Variants in ZNF257 observed in about 807,000 individuals in gnomAD.
ZNF257 encodes zinc finger protein 257.
ZNF257 carries 12 observed loss-of-function variants against 11.9 expected under a neutral mutation model. That is an observed-to-expected ratio of 1.01 (90% CI 0.65 to 1.63). The LOEUF (loss-of-function observed/expected upper bound fraction) is 1.63. Among genes scored for constraint, ZNF257 ranks in the 40% most tolerant of loss-of-function variants. ZNF257 has a pLI of 0.00. For missense variants in ZNF257, 580 were observed against 665.5 expected, an observed-to-expected ratio of 0.87 and a Z score of 1.41; for synonymous variants, 183 against 222.7, an observed-to-expected ratio of 0.82 and a Z score of 1.59.
intron 3 of ZNF257, among the ~76,000 whole-genome samples, chr19:22,084,643 A>C (rs1244671056): frequency 6.6e-6 from 1 of 151,672 alleles, no homozygotes; most frequent in Non-Finnish European, 1.5e-5. Flanking sequence ...TGTATCGTTT[A>C]ATTTCTATAT....
chr19:22,089,443 T>C lies in ZNF257; in HGVS notation c.*1T>C, dbSNP rs1599677932. ...AAACCTTACTAAACATAATTCATAA[T>C]GGAGAAAAACCCTACAAATGTGAAG... On this transcript the variant is annotated 3_prime_UTR_variant, in exon 4 of 4. Transcript: ENST00000594947. 1 of 1,604,102 alleles carries C rather than the reference T, an allele frequency of 6.2e-7. No homozygotes were observed. The highest frequency in any genetic ancestry group is 1.3e-5 in the African/African-American group (1 of 74,560).
At chr19:22,077,134 A>G (rs777301232) in intron 3 of ZNF257, among the ~76,000 whole-genome samples, 3 of 152,044 alleles carry the variant, frequency 2.0e-5, no homozygotes, top group Non-Finnish European at 4.4e-5. Context: ...GGCAGCATAT[A>G]AAGTCCCCCT....
chr19:22,084,289 CTCTT>C (rs901006789), intron 3 of ZNF257, among the ~76,000 whole-genome samples: 79 of 152,250 alleles, frequency 5.2e-4, no homozygotes, highest in African/African-American at 1.8e-3. Flanking sequence ...ATGTAAATGA[CTCTT>C]TATATGACCA....
At chr19:22,058,516 G>T (rs1048902537) in intron 1 of ZNF257, among the ~76,000 whole-genome samples, 9 of 152,144 alleles carry the variant, frequency 5.9e-5, no homozygotes, top group African/African-American at 1.9e-4. Context: ...CTGAATCAGG[G>T]TCTGTGCTGA....
intron 1 of ZNF257, among the ~76,000 whole-genome samples, chr19:22,054,517 C>T (rs7259971): frequency 6.6e-6 from 1 of 151,974 alleles, no homozygotes. Context: ...TCCCAAATGC[C>T]AGTTTTCCCT....
intron 1 of ZNF257, among the ~76,000 whole-genome samples, chr19:22,059,874 C>A (rs1405861674): frequency 6.9e-6 from 1 of 144,862 alleles, no homozygotes; most frequent in African/African-American, 2.8e-5. Context: ...AGTCACATGC[C>A]ACCACACCCA....
chr19:22,069,396 C>T (rs1485692553), intron 1 of ZNF257, among the ~76,000 whole-genome samples: 5 of 151,950 alleles, frequency 3.3e-5, no homozygotes, highest in Non-Finnish European at 7.4e-5. Context: ...GGGTGGATCA[C>T]GAGGTCAGGA....
chr19:22,089,765 A>T lies in ZNF257; in HGVS notation c.*323A>T, dbSNP rs1198734892. The T allele has an allele frequency of 5.4e-6, 2 of 373,256 alleles. No homozygotes were observed. The highest frequency in any genetic ancestry group is 9.7e-6 in the Non-Finnish European group (2 of 205,344). The allele number at this position is 373,256 out of a possible 1,614,324, so 23.1% of individuals were successfully genotyped here. On this transcript the variant is annotated 3_prime_UTR_variant, in exon 4 of 4. Transcript: ENST00000594947. Reference sequence around the variant, plus strand: ...TCTCAACCCTTATTACACATAATTTATACTGGACAGAAATCCTAAAGTGTG... The same window carrying T: ...TCTCAACCCTTATTACACATAATTTTTACTGGACAGAAATCCTAAAGTGTG...
intron 1 of ZNF257, among the ~76,000 whole-genome samples, chr19:22,071,391 C>T (rs1266581369): frequency 6.6e-6 from 1 of 151,902 alleles, no homozygotes. Context: ...GTGCTGACAC[C>T]TTTAAAGGCA....
intron 1 of ZNF257, among the ~76,000 whole-genome samples, chr19:22,065,201 G>C (rs1300646128): frequency 1.3e-5 from 2 of 151,020 alleles, no homozygotes; most frequent in Non-Finnish European, 3.0e-5. Context: ...GACTTTTTTT[G>C]TTTTGTTTTG....
chr19:22,089,662 C>A lies in ZNF257; in HGVS notation c.*220C>A. On this transcript the variant is annotated 3_prime_UTR_variant, in exon 4 of 4. Coordinates refer to ENST00000594947, the MANE Select transcript of ZNF257 (RefSeq NM_033468.4). Reference sequence around the variant, plus strand: ...TGTGGCATAGCCTCTTCCCAGTTCTCAACTCTTACTAAACATGAGAACACA... The same window carrying A: ...TGTGGCATAGCCTCTTCCCAGTTCTAAACTCTTACTAAACATGAGAACACA... 8.6e-7 allele frequency: 1 copy of A among 1,157,564 alleles called. No individual in the cohort carries two copies. The highest frequency in any genetic ancestry group is 1.2e-6 in the Non-Finnish European group (1 of 861,996). 71.7% of individuals were successfully genotyped at this position (1,157,564 alleles called of 1,614,324 possible).
At chr19:22,086,471 T>C (rs2022478603) in intron 3 of ZNF257, among the ~76,000 whole-genome samples, 1 of 152,056 alleles carries the variant, frequency 6.6e-6, no homozygotes, top group African/African-American at 2.4e-5. Flanking sequence ...ATGAGAATGA[T>C]AAGGAATTCT....
rs553834413 is a variant in ZNF257, at chr19:22,085,728, A to G, written c.227-2249A>G. On this transcript the variant is annotated intron_variant, in intron 3 of 3. Coordinates refer to ENST00000594947, the MANE Select transcript of ZNF257 (RefSeq NM_033468.4). The stretch of plus-strand genomic sequence containing the variant: ...CACACACAAACACGCAAACATGAGT[A>G]TATACAAATTTTTCATAGGTTCCCC... Among the ~76,000 whole-genome samples, 2 of 151,584 alleles carry G rather than the reference A, an allele frequency of 1.3e-5. 1 individual carries two copies. The highest frequency in any genetic ancestry group is 4.2e-4 in the South Asian group (2 of 4,784).
intron 3 of ZNF257, among the ~76,000 whole-genome samples, chr19:22,078,596 TTTTC>T (rs1174693637): frequency 1.3e-5 from 2 of 152,130 alleles, no homozygotes; most frequent in Non-Finnish European, 2.9e-5. Flanking sequence ...TTTTCTGTTA[TTTTC>T]TTTGTTGCTG....
chr19:22,084,892 GTTAATTTT>G (rs1287053394), intron 3 of ZNF257, among the ~76,000 whole-genome samples: 1 of 151,890 alleles, frequency 6.6e-6, no homozygotes, highest in Non-Finnish European at 1.5e-5. Context: ...ACCAGGCCCA[GTTAATTTT>G]TTATTTTTGG....
At position 22,088,265 on chromosome 19, in the gene ZNF257, C is replaced by T. The variant is rs746695095; in HGVS notation, c.515C>T (p.Thr172Ile). 5 of 1,613,200 alleles carry T rather than the reference C, an allele frequency of 3.1e-6. No homozygotes were observed. The highest frequency in any genetic ancestry group is 3.4e-6 in the Non-Finnish European group (4 of 1,179,662). The stretch of plus-strand genomic sequence containing the variant: ...AAGATAAGACATACTGAAAAGAAAA[C>T]TTGCAAATGTAAAGAATGTGGCAAA... ...RHKIRHTEKK[T>I]CKCKECGKSF... is the part of the protein sequence containing the mutation. The change falls in exon 4 of 4, where the codon ACT (threonine) becomes ATT (isoleucine). Residue 172 changes from threonine to isoleucine, a missense_variant. Physicochemically the swap from Thr to Ile is moderately conservative, Grantham distance 89. Coordinates refer to ENST00000594947, the MANE Select transcript of ZNF257 (RefSeq NM_033468.4).
At chr19:22,056,501 G>A (rs1279246466) in intron 1 of ZNF257, among the ~76,000 whole-genome samples, 42 of 122,042 alleles carry the variant, frequency 3.4e-4, no homozygotes, top group Admixed American at 3.3e-3. Context: ...TTTTTGAGAC[G>A]GAGTCTCCCT....
intron 1 of ZNF257, among the ~76,000 whole-genome samples, chr19:22,056,278 T>C (rs1264577571): frequency 6.6e-6 from 1 of 151,730 alleles, no homozygotes; most frequent in Admixed American, 6.6e-5. Flanking sequence ...ACGGTGAAAC[T>C]CCGTGAAAGC....
At chr19:22,055,961 A>G (rs1282817065) in intron 1 of ZNF257, among the ~76,000 whole-genome samples, 1 of 151,144 alleles carries the variant, frequency 6.6e-6, no homozygotes, top group Non-Finnish European at 1.5e-5. Context: ...AGGCTGAGGC[A>G]GGAGAATGGC....
Sources: gnomAD v4.1 joint callset for allele counts (sites outside exome capture counted in the v4.1 genomes callset) on GRCh38, gnomAD v4.1.1 for gene constraint, MANE v1.5 for transcripts, NCBI Gene and HGNC (gene_info 2026-07-23, HGNC 2026-07-21) for gene names.